ACSS2: variants seen among roughly 807,000 people sequenced by gnomAD.
ACSS2 encodes the protein acetyl-coenzyme A synthetase, cytoplasmic.
In ACSS2, 58 loss-of-function variants were observed where a neutral mutation model predicts 90.6. The ratio of observed to expected loss-of-function variants is 0.64; its 90% CI spans 0.52 to 0.80. The LOEUF is 0.80. Among genes scored for constraint, ACSS2 ranks in the 30% least tolerant of loss-of-function variants. The pLI, the probability that ACSS2 is intolerant of heterozygous loss-of-function variation, is 0.00. For synonymous variants in ACSS2, 300 were observed against 330.9 expected (o/e 0.91, Z 1.01); for missense variants, 759 against 912.0 (o/e 0.83, Z 2.16).
Position 34,913,769 on chromosome 20 carries a change from CAG to C in ACSS2, c.590_591del (p.Glu197ValfsTer4). On this transcript the variant is annotated frameshift_variant, in exon 5 of 18. Transcript: ENST00000360596. LOFTEE classifies it high-confidence loss of function. ...CTTCCCTAGTTTGCAGGCTTCTCTT[CAG>C]AGTCTCTATGTGAACGGATCTTGGA... 6.2e-7 allele frequency: 1 copy of C among 1,614,130 alleles called. No homozygotes were observed. Among genetic ancestry groups the C allele is most frequent in the Non-Finnish European group, 8.5e-7 (1 of 1,180,000 alleles).
At chr20:34,892,861 C>T (rs1424988767) in intron 2 of ACSS2, among the ~76,000 whole-genome samples, 1 of 152,122 alleles carries the variant, frequency 6.6e-6, no homozygotes, top group Non-Finnish European at 1.5e-5. Context: ...TTGCAAAGCT[C>T]AGTTTGAAAA....
chr20:34,882,622 C>CAA (rs937691165), intron 1 of ACSS2, among the ~76,000 whole-genome samples, 172 bp from the exon 2 acceptor site: 3 of 141,834 alleles, frequency 2.1e-5, no homozygotes, highest in South Asian at 2.2e-4. Context: ...CCTCCATCTC[C>CAA]AAAAAAAAAA....
intron 1 of ACSS2, among the ~76,000 whole-genome samples, chr20:34,877,485 C>T (rs1343393490): frequency 6.6e-5 from 10 of 151,972 alleles, no homozygotes; most frequent in Admixed American, 1.3e-4. Flanking sequence ...AGTAATAGTT[C>T]AGAAGTTCTG....
At chr20:34,892,282 G>C (rs918367314) in intron 2 of ACSS2, among the ~76,000 whole-genome samples, 50 of 152,284 alleles carry the variant, frequency 3.3e-4, no homozygotes, top group African/African-American at 1.2e-3. Context: ...AACTCAGAAG[G>C]CGTGGAGTTG....
upstream of ACSS2, chr20:34,875,234 T>G (rs75769882): frequency 2.1e-5 from 11 of 525,100 alleles, no homozygotes; most frequent in South Asian, 1.4e-4. Flanking sequence ...GTGGTGGTGG[T>G]GGGGGTTTCC....
intron 2 of ACSS2, among the ~76,000 whole-genome samples, chr20:34,896,789 A>G (rs2080471946): frequency 6.6e-6 from 1 of 152,236 alleles, no homozygotes; most frequent in Non-Finnish European, 1.5e-5. Context: ...CACGCCTGCA[A>G]TCCTAGCACT....
chr20:34,900,201 C>T (rs529294744), intron 2 of ACSS2, among the ~76,000 whole-genome samples: 6 of 122,294 alleles, frequency 4.9e-5, no homozygotes, highest in African/African-American at 1.6e-4. Flanking sequence ...GACTGAGTCT[C>T]GCTCTGTCGC....
chr20:34,927,520 C>G lies in ACSS2; in HGVS notation c.*306C>G. On this transcript the variant is annotated 3_prime_UTR_variant, in exon 18 of 18. Transcript: ENST00000360596. This position sits in a 1 kb window ranked among gnomAD's most constrained non-coding sequence, Gnocchi z 4.2. ...AAGTGTTCAAAGGGGATGTGAGGGC[C>G]TCCACTGAAGCAGGGAGGCAGCTGT... is the stretch of plus-strand genomic sequence containing the variant. 2.6e-6 allele frequency: 1 copy of G among 386,362 alleles called. No homozygotes were observed. 23.9% of individuals were successfully genotyped at this position (386,362 alleles called of 1,614,324 possible).
Position 34,913,404 on chromosome 20 carries a change from G to A in ACSS2, c.478G>A (p.Gly160Arg), listed in dbSNP as rs760019903. ...NVLRKQGIQK[G>R]DRVAIYMPMI... Reference sequence around the variant, plus strand: ...GCTTTTACCTGCAGGCATTCAGAAGGGGGACCGAGTGGCCATCTACATGCC... The same window carrying A: ...GCTTTTACCTGCAGGCATTCAGAAGAGGGACCGAGTGGCCATCTACATGCC... Residue 160 changes from glycine to arginine, a missense_variant, in exon 4 of 18, where the codon GGG (glycine) becomes AGG (arginine). Transcript: ENST00000360596. The A allele has an allele frequency of 6.2e-7, 1 of 1,614,016 alleles. No homozygotes were observed. The highest frequency in any genetic ancestry group is 1.7e-5 in the Admixed American group (1 of 59,996).
chr20:34,882,928 T>C lies in ACSS2; in HGVS notation c.313T>C (p.Tyr105His), dbSNP rs60636358. Reference sequence around the variant, plus strand: ...GAAAGGAGCAACTACCAACATCTGCTACAATGTACTGGATCGAAATGTCCA... The same window carrying C: ...GAAAGGAGCAACTACCAACATCTGCCACAATGTACTGGATCGAAATGTCCA... Reference protein sequence around the residue: ...WMKGATTNICYNVLDRNVHEK... With the variant: ...WMKGATTNICHNVLDRNVHEK... The change falls in exon 2 of 18, where the codon TAC becomes CAC. Residue 105 changes from tyrosine (Y) to histidine (H), a missense_variant. Tyr to His is a moderately conservative substitution (Grantham distance 83, BLOSUM62 2). Transcript: ENST00000360596. The C allele has an allele frequency of 6.2e-7, 1 of 1,613,568 alleles. No homozygotes were observed. Among genetic ancestry groups the C allele is most frequent in the Non-Finnish European group, 8.5e-7 (1 of 1,179,832 alleles).
chr20:34,894,619 C>T lies in ACSS2; in HGVS notation c.374+11630C>T, dbSNP rs1311842071. Among the ~76,000 whole-genome samples, 11 of 152,208 alleles carry T rather than the reference C, an allele frequency of 7.2e-5. No homozygotes were observed. The East Asian group carries it at 1.2e-3, about 16-fold the overall frequency. Reference sequence around the variant, plus strand: ...GGTTGAGGCTGCAGTGAGCGGTGATCGTGCTACTGCACTCCAGCCTGGGTG... The same window carrying T: ...GGTTGAGGCTGCAGTGAGCGGTGATTGTGCTACTGCACTCCAGCCTGGGTG... On this transcript the variant is annotated intron_variant, in intron 2 of 17. Coordinates refer to ENST00000360596, the MANE Select transcript of ACSS2 (RefSeq NM_018677.4).
In ACSS2 at chr20:34,919,576, AGTGTGTGTGTGTGTGTGTGTGT is replaced by A; in HGVS notation, c.972+27_972+48del. On this transcript the variant is annotated splice_donor_5th_base_variant and intron_variant, in intron 8 of 17. Transcript: ENST00000360596. ...TGGCTCCACAGGCAAACCCAAGGCA[AGTGTGTGTGTGTGTGTGTGTGT>A]GTGTGTGTGTGTGTGTGTGTGTATT... is the stretch of plus-strand genomic sequence containing the variant. 4 of 1,475,196 alleles carry A rather than the reference AGTGTGTGTGTGTGTGTGTGTGT, an allele frequency of 2.7e-6. No homozygotes were observed. The highest frequency in any genetic ancestry group is 2.9e-5 in the African/African-American group (2 of 68,744). 91.4% of individuals were successfully genotyped at this position (1,475,196 alleles called of 1,614,324 possible). A position where few individuals can be genotyped will look rare whatever the true frequency, so the allele number is the denominator to read the frequency against.
intron 1 of ACSS2, among the ~76,000 whole-genome samples, chr20:34,877,818 C>CAAAAAAAAAAAAAAAAA (rs60819156): frequency 4.4e-5 from 4 of 91,222 alleles, no homozygotes; most frequent in African/African-American, 1.9e-4. Flanking sequence ...GACTTTGTCT[C>CAAAAAAAAAAAAAAAAA]AAAAAAAAAA....
Position 34,876,675 on chromosome 20 carries a change from C to A in ACSS2, c.30C>A (p.Ser10Arg). Reference protein sequence around the residue: MGLPEERVRSGSGSRGQEEA... With the variant: MGLPEERVRRGSGSRGQEEA... Reference sequence around the variant, plus strand: ...GGCTTCCTGAGGAGCGGGTCCGGAGCGGCAGCGGGAGCCGGGGCCAGGAGG... The same window carrying A: ...GGCTTCCTGAGGAGCGGGTCCGGAGAGGCAGCGGGAGCCGGGGCCAGGAGG... The change falls in exon 1 of 18, where the codon AGC becomes AGA. Residue 10 changes from serine to arginine, a missense_variant. Ser to Arg is a moderately radical substitution (Grantham distance 110, BLOSUM62 -1). Coordinates refer to ENST00000360596, the MANE Select transcript of ACSS2 (RefSeq NM_018677.4). 1 of 1,409,760 alleles carries A rather than the reference C, an allele frequency of 7.1e-7. No homozygotes were observed. Among genetic ancestry groups the A allele is most frequent in the Non-Finnish European group, 9.3e-7 (1 of 1,074,678 alleles). The allele number at this position is 1,409,760 out of a possible 1,614,324, so 87.3% of individuals were successfully genotyped here.
In ACSS2 at chr20:34,921,623, G is replaced by A. The variant is rs769174744; in HGVS notation, c.1467+23G>A. 7 of 1,614,192 alleles carry A rather than the reference G, an allele frequency of 4.3e-6. No homozygotes were observed. In the East Asian group the frequency reaches 1.3e-4, roughly 31 times the overall value. ...GCTGTGAGTGATGCTTCCCTGGCTG[G>A]TCTTGGGCTAGGCAGGGATGGTGTC... On this transcript the variant is annotated intron_variant, in intron 12 of 17. Coordinates refer to ENST00000360596, the MANE Select transcript of ACSS2 (RefSeq NM_018677.4).
chr20:34,926,662 T>C (rs6088650), intron 16 of ACSS2, among the ~76,000 whole-genome samples: 82,390 of 151,918 alleles, frequency 0.54, 23,075 homozygotes, highest in South Asian at 0.73. Context: ...ATTTAAACTC[T>C]AGCAGGCTCA....
At chr20:34,903,985 G>A (rs147818047) in intron 2 of ACSS2, among the ~76,000 whole-genome samples, 34 of 151,378 alleles carry the variant, frequency 2.2e-4, no homozygotes, top group African/African-American at 7.5e-4. Flanking sequence ...TGTGCCAATT[G>A]TGCTTGGAGG....
chr20:34,925,548 G>T (rs1329394820), intron 14 of ACSS2, 150 bp from the exon 15 acceptor site: 6 of 709,746 alleles, frequency 8.5e-6, no homozygotes, highest in Non-Finnish European at 1.4e-5. Flanking sequence ...GATCAGTGGT[G>T]CCCTCTTGGA....
In ACSS2 at chr20:34,923,447, C is replaced by T; in HGVS notation, c.1657+16C>T. 6.3e-7 allele frequency: 1 copy of T among 1,583,142 alleles called. No individual in the cohort carries two copies. Among genetic ancestry groups the T allele is most frequent in the Non-Finnish European group, 8.7e-7 (1 of 1,152,344 alleles). On this transcript the variant is annotated intron_variant, in intron 14 of 17. Transcript: ENST00000360596. Reference sequence around the variant, plus strand: ...ACAGGAGATGGTGAGCCTTAGCTATCCCCCTCTTGCACCTCCCACTAAGAC... The same window carrying T: ...ACAGGAGATGGTGAGCCTTAGCTATTCCCCTCTTGCACCTCCCACTAAGAC...
Sources: allele counts gnomAD v4.1 joint callset (sites outside exome capture counted in the v4.1 genomes callset), GRCh38; gene constraint gnomAD v4.1.1; non-coding constraint Gnocchi (gnomAD v3.1); transcripts MANE v1.5; gene names NCBI Gene and HGNC (gene_info 2026-07-23, HGNC 2026-07-21).